L2HGDH: variants seen among roughly 807,000 people sequenced by gnomAD.
The protein encoded by L2HGDH is L-2-hydroxyglutarate dehydrogenase, also known as L-2-hydroxyglutarate dehydrogenase, mitochondrial.
L2HGDH carries 34 observed loss-of-function variants against 51.5 expected under a neutral mutation model. The ratio of observed to expected loss-of-function variants is 0.66; its 90% CI spans 0.50 to 0.88. L2HGDH has a LOEUF of 0.88. L2HGDH is among the 40% of genes least tolerant of loss of function. The pLI is 0.00. For synonymous variants in L2HGDH, 198 were observed against 197.9 expected, an observed-to-expected ratio of 1.00 and a Z score of -0.01; for missense variants, 558 against 571.9, an observed-to-expected ratio of 0.98 and a Z score of 0.25.
At chr14:50,247,916 GT>G (rs1031022703) in intron 9 of L2HGDH, among the ~76,000 whole-genome samples, 13 of 151,592 alleles carry the variant, frequency 8.6e-5, no homozygotes, top group African/African-American at 2.7e-4. Flanking sequence ...AATTGAGATA[GT>G]CTTGATCTGT....
At chr14:50,253,898 A>T (rs1470994278) in intron 9 of L2HGDH, among the ~76,000 whole-genome samples, 1 of 152,144 alleles carries the variant, frequency 6.6e-6, no homozygotes, top group Non-Finnish European at 1.5e-5. Context: ...GGAGGTCATT[A>T]TGTTAAGTAA....
At chr14:50,303,861 T>C (rs2139218642) in intron 1 of L2HGDH, among the ~76,000 whole-genome samples, 1 of 142,842 alleles carries the variant, frequency 7.0e-6, no homozygotes, top group East Asian at 2.0e-4. Flanking sequence ...TGGTCAGTAG[T>C]ATAATCAACT....
intron 3 of L2HGDH, chr14:50,299,902 T>C (rs1184215942): frequency 6.5e-6 from 1 of 153,514 alleles, no homozygotes; most frequent in Non-Finnish European, 1.5e-5. Context: ...AAATGGTCCA[T>C]GCCACAAATG....
intron 4 of L2HGDH, among the ~76,000 whole-genome samples, chr14:50,290,764 A>C (rs9888569): frequency 1.3e-5 from 2 of 152,046 alleles, no homozygotes; most frequent in Non-Finnish European, 2.9e-5. Flanking sequence ...CCCGGGTTCA[A>C]GCAATTCTCC....
At chr14:50,252,329 C>A (rs1888411229) in intron 9 of L2HGDH, among the ~76,000 whole-genome samples, 1 of 151,814 alleles carries the variant, frequency 6.6e-6, no homozygotes, top group East Asian at 1.9e-4. Context: ...AAATCACCTT[C>A]ATTAAAAGGA....
intron 4 of L2HGDH, among the ~76,000 whole-genome samples, chr14:50,293,635 CAGG>C (rs1023027818): frequency 2.6e-5 from 4 of 152,136 alleles, no homozygotes; most frequent in African/African-American, 9.7e-5. Context: ...GAGGTCGAGG[CAGG>C]AGGATCAAAC....
In L2HGDH at chr14:50,252,056, A is replaced by C. The variant is rs183663529; in HGVS notation, c.1197-4803T>G. Among the ~76,000 whole-genome samples the C allele has an allele frequency of 3.7e-3, 568 of 152,164 alleles. 18 individuals are homozygous for C. Among genetic ancestry groups the C allele is most frequent in the Admixed American group, 0.032 (495 of 15,244 alleles). The stretch of plus-strand genomic sequence containing the variant: ...TGAACCAATCAAAAATAGTAACTAC[A>C]ACAACTTTTCAAGACACAGACAGTA... On this transcript the variant is annotated intron_variant, in intron 9 of 9. Transcript: ENST00000267436.
chr14:50,297,130 G>T (rs142528812), intron 3 of L2HGDH, among the ~76,000 whole-genome samples: 2 of 152,056 alleles, frequency 1.3e-5, no homozygotes, highest in East Asian at 3.9e-4. Context: ...TCTGATAAAG[G>T]GAATCCACAG....
chr14:50,269,883 A>G (rs1162496922), intron 6 of L2HGDH, among the ~76,000 whole-genome samples: 2 of 152,202 alleles, frequency 1.3e-5, no homozygotes, highest in Non-Finnish European at 2.9e-5. Context: ...TTTAAAATTA[A>G]AGTTATTACC....
At chr14:50,288,101 A>G (rs1329476995) in intron 4 of L2HGDH, among the ~76,000 whole-genome samples, 5 of 152,208 alleles carry the variant, frequency 3.3e-5, no homozygotes, top group Admixed American at 1.3e-4. Context: ...TCAAACATTT[A>G]TAATTTCTTT....
chr14:50,265,813 C>T (rs1014091034), intron 8 of L2HGDH, among the ~76,000 whole-genome samples: 22 of 152,158 alleles, frequency 1.4e-4, no homozygotes, highest in African/African-American at 5.1e-4. Context: ...AATCAAGAGG[C>T]TGAGGCAGGA....
At chr14:50,291,185 G>A (rs1890861000) in intron 4 of L2HGDH, among the ~76,000 whole-genome samples, 1 of 106,536 alleles carries the variant, frequency 9.4e-6, no homozygotes, top group Admixed American at 1.4e-4. Context: ...GGGACAGACT[G>A]AGACTCCGTC....
chr14:50,270,128 A>G (rs889938655), intron 6 of L2HGDH, among the ~76,000 whole-genome samples: 3 of 152,200 alleles, frequency 2.0e-5, no homozygotes, highest in Non-Finnish European at 4.4e-5. Context: ...ACACTTTAGA[A>G]ATCTCATTCA....
At chr14:50,287,858 T>C (rs1890650175) in intron 4 of L2HGDH, among the ~76,000 whole-genome samples, 1 of 151,740 alleles carries the variant, frequency 6.6e-6, no homozygotes, top group Non-Finnish European at 1.5e-5. Context: ...AAAACACGCC[T>C]GGCTATTTTT....
At chr14:50,276,462 GC>G (rs57430595) in intron 6 of L2HGDH, among the ~76,000 whole-genome samples, 1 of 150,352 alleles carries the variant, frequency 6.7e-6, no homozygotes, top group African/African-American at 2.5e-5. Context: ...ATTGAATTGT[GC>G]CCCCCCCACC....
chr14:50,267,799 G>A lies in L2HGDH; in HGVS notation c.1018C>T (p.Pro340Ser), dbSNP rs771680443. The A allele has an allele frequency of 1.8e-5, 29 of 1,613,296 alleles. No homozygotes were observed. Among genetic ancestry groups the A allele is most frequent in the Non-Finnish European group, 2.2e-5 (26 of 1,179,232 alleles). The change falls in exon 8 of 10, where the codon CCC (proline) becomes TCC (serine). Residue 340 changes from proline (P) to serine (S), a missense_variant. Physicochemically the swap from Pro to Ser is moderately conservative, Grantham distance 74 (BLOSUM62 -1). Transcript: ENST00000267436. ...VLAFKREGYRPFDFSATDVMD... is the reference protein window; with the variant it reads ...VLAFKREGYRSFDFSATDVMD... ...ACATCTGTGGCACTGAAGTCAAAGG[G>A]TCTGTAACCCTCTCGTTTAAAGGCA...
At chr14:50,258,073 TA>T (rs3072729) in intron 9 of L2HGDH, among the ~76,000 whole-genome samples, 77,842 of 141,512 alleles carry the variant, frequency 0.55, 21,967 homozygotes, top group East Asian at 0.7. Flanking sequence ...GTCAAAAAGT[TA>T]AAAAAAAAAA....
At chr14:50,272,424 C>T (rs79971793) in intron 6 of L2HGDH, among the ~76,000 whole-genome samples, 2,901 of 152,214 alleles carry the variant, frequency 0.019, 44 homozygotes, top group Non-Finnish European at 0.03. Flanking sequence ...TCACATGACC[C>T]GGCAAATCTG....
chr14:50,258,785 T>C (rs1348680430), intron 9 of L2HGDH, among the ~76,000 whole-genome samples: 1 of 152,080 alleles, frequency 6.6e-6, no homozygotes, highest in African/African-American at 2.4e-5. Context: ...AGTGCTAGGA[T>C]TGCAGGCGTG....
Sources: allele counts gnomAD v4.1 joint callset (sites outside exome capture counted in the v4.1 genomes callset), GRCh38; gene constraint gnomAD v4.1.1; transcripts MANE v1.5; gene names NCBI Gene and HGNC (gene_info 2026-07-23, HGNC 2026-07-21).